Variants in SSUH2 observed in about 807,000 individuals in gnomAD.
SSUH2 encodes the protein protein SSUH2 homolog.
SSUH2 carries 47 observed loss-of-function variants against 55.3 expected under a neutral mutation model. That is an observed-to-expected ratio of 0.85 (90% CI 0.67 to 1.08). The LOEUF is 1.08. SSUH2 is among the 50% of genes least tolerant of loss of function. The probability of loss-of-function intolerance (pLI) is 0.00; values close to 1 mark genes in which losing one functional copy is unlikely to be tolerated. For missense variants in SSUH2, 535 were observed against 490.7 expected (o/e 1.09, Z -0.85); for synonymous variants, 212 against 191.5 (o/e 1.11, Z -0.89).
chr3:8,634,065 C>T (rs894730627), intron 3 of SSUH2: 1 of 998,256 alleles, frequency 1.0e-6, no homozygotes, highest in Non-Finnish European at 1.5e-6. Context: ...AATCCTGCAA[C>T]TGAAGAAACA....
intron 6 of SSUH2, chr3:8,659,474 C>T (rs747250747): frequency 8.3e-5 from 17 of 205,686 alleles, no homozygotes; most frequent in Admixed American, 2.4e-4. Flanking sequence ...GCAGAGTGAG[C>T]TCCCTTCTTT....
chr3:8,636,281 C>G (rs1427223064), intron 1 of SSUH2, among the ~76,000 whole-genome samples: 2 of 152,124 alleles, frequency 1.3e-5, no homozygotes, highest in African/African-American at 2.4e-5. Flanking sequence ...TTTTGGAACC[C>G]TGAGCTCTAA....
chr3:8,637,938 C>A (rs925696848), intron 1 of SSUH2, among the ~76,000 whole-genome samples: 6 of 152,148 alleles, frequency 3.9e-5, no homozygotes, highest in Non-Finnish European at 7.3e-5. Flanking sequence ...TATACCCTGT[C>A]CCTTCAAGTT....
intron 2 of SSUH2, among the ~76,000 whole-genome samples, chr3:8,679,409 C>A (rs544572868): frequency 1.5e-5 from 2 of 134,364 alleles, no homozygotes; most frequent in Non-Finnish European, 3.4e-5. Context: ...GAGCCAGCCC[C>A]TCTTCCCCCC....
intron 6 of SSUH2, chr3:8,659,786 G>C (rs1397263369): frequency 4.4e-6 from 2 of 456,456 alleles, no homozygotes; most frequent in East Asian, 7.0e-5. Context: ...AAGAGATATG[G>C]AGATTCATCA....
In SSUH2 at chr3:8,623,645, G is replaced by C; in HGVS notation, c.885C>G (p.Ile295Met). 1 of 1,526,384 alleles carries C rather than the reference G, an allele frequency of 6.6e-7. No homozygotes were observed. The highest frequency in any genetic ancestry group is 8.9e-7 in the Non-Finnish European group (1 of 1,127,042). 94.6% of individuals were successfully genotyped at this position (1,526,384 alleles called of 1,614,324 possible). A position where few individuals can be genotyped will look rare whatever the true frequency, so the allele number is the denominator to read the frequency against. Residue 295 changes from isoleucine to methionine, a missense_variant, in exon 11 of 12, where the codon ATC becomes ATG. Physicochemically the swap from Ile to Met is conservative, Grantham distance 10. Transcript: ENST00000544814. ...AGATGTCTCGCAGAGGGAAGTCCAC[G>C]ATGGGGTACACCTGGGGGAAAGAGA... ...FKDENSVVYP[I>M]VDFPLRDISL... is the part of the protein sequence containing the mutation.
intron 3 of SSUH2, among the ~76,000 whole-genome samples, chr3:8,676,949 G>A (rs1369386663): frequency 6.9e-6 from 1 of 145,006 alleles, no homozygotes; most frequent in Non-Finnish European, 1.5e-5. Context: ...AGTACGGGGG[G>A]AAGGCATCCC....
chr3:8,636,727 G>A (rs1699987027), intron 1 of SSUH2, among the ~76,000 whole-genome samples: 1 of 152,096 alleles, frequency 6.6e-6, no homozygotes, highest in African/African-American at 2.4e-5. Context: ...ATTGCAGTCT[G>A]AAGACATTCC....
At chr3:8,671,834 A>T (rs1475872031) in intron 4 of SSUH2, 1 of 142,752 alleles carries the variant, frequency 7.0e-6, no homozygotes, top group Non-Finnish European at 1.5e-5. Context: ...TACGATCCAC[A>T]TCGCAGGGGG....
intron 7 of SSUH2, among the ~76,000 whole-genome samples, chr3:8,653,725 T>C (rs778213962): frequency 6.6e-6 from 1 of 152,252 alleles, no homozygotes; most frequent in African/African-American, 2.4e-5. Flanking sequence ...TACATTTTAC[T>C]GAATTATAAC....
At chr3:8,674,688 G>C (rs1374656331) in intron 3 of SSUH2, among the ~76,000 whole-genome samples, 1 of 152,092 alleles carries the variant, frequency 6.6e-6, no homozygotes, top group Non-Finnish European at 1.5e-5. Context: ...TTTGGGAAGG[G>C]ACTTGCTCAG....
intron 10 of SSUH2, among the ~76,000 whole-genome samples, chr3:8,625,090 A>G (rs1479767169): frequency 6.6e-6 from 1 of 151,978 alleles, no homozygotes; most frequent in Non-Finnish European, 1.5e-5. Context: ...AGGGTCCATC[A>G]TAGTCCCCTC....
chr3:8,667,451 C>T (rs985784748), intron 5 of SSUH2, among the ~76,000 whole-genome samples: 1 of 152,170 alleles, frequency 6.6e-6, no homozygotes, highest in African/African-American at 2.4e-5. Context: ...CTTTACCGCA[C>T]TTTATTTTAT....
intron 3 of SSUH2, among the ~76,000 whole-genome samples, chr3:8,672,495 A>C (rs1704705084): frequency 6.6e-6 from 1 of 152,120 alleles, no homozygotes; most frequent in Non-Finnish European, 1.5e-5. Flanking sequence ...TTGAATATTA[A>C]GAACAATATC....
upstream of SSUH2, among the ~76,000 whole-genome samples, chr3:8,647,486 A>T (rs984540904): frequency 6.6e-6 from 1 of 152,242 alleles, no homozygotes; most frequent in African/African-American, 2.4e-5. Flanking sequence ...AAAGTCCTAA[A>T]GTGGACATGG....
chr3:8,658,407 C>T (rs1397836970), intron 7 of SSUH2, among the ~76,000 whole-genome samples: 1 of 152,212 alleles, frequency 6.6e-6, no homozygotes, highest in Non-Finnish European at 1.5e-5. Flanking sequence ...GTATCCTTGC[C>T]AGGGCAGCTG....
At chr3:8,658,045 T>A (rs1406417495) in intron 7 of SSUH2, among the ~76,000 whole-genome samples, 2 of 152,224 alleles carry the variant, frequency 1.3e-5, no homozygotes, top group Non-Finnish European at 2.9e-5. Context: ...GCATCCACTC[T>A]GCAGTGAATG....
At chr3:8,656,851 C>T (rs1044482128) in intron 7 of SSUH2, among the ~76,000 whole-genome samples, 1 of 145,530 alleles carries the variant, frequency 6.9e-6, no homozygotes, top group Admixed American at 7.0e-5. Context: ...TACCACTCTG[C>T]TTCATTTTTT....
chr3:8,653,320 A>C (rs1393724009), intron 7 of SSUH2, among the ~76,000 whole-genome samples: 1 of 152,244 alleles, frequency 6.6e-6, no homozygotes, highest in Non-Finnish European at 1.5e-5. Flanking sequence ...CCTAATCCTT[A>C]AAAAATCAAA....
Sources: allele counts gnomAD v4.1 joint callset (sites outside exome capture counted in the v4.1 genomes callset), GRCh38; gene constraint gnomAD v4.1.1; transcripts MANE v1.5; gene names NCBI Gene and HGNC (gene_info 2026-07-23, HGNC 2026-07-21).